NR4A1: variants seen among roughly 807,000 people sequenced by gnomAD.
The protein encoded by NR4A1 is nuclear receptor subfamily 4 group A member 1, also known as nuclear receptor subfamily 4immunitygroup A member 1.
NR4A1 carries 24 observed loss-of-function variants against 47.5 expected under a neutral mutation model. That is an observed-to-expected ratio of 0.50 (90% CI 0.37 to 0.71). NR4A1 has a LOEUF of 0.71. NR4A1 is among the 30% of genes least tolerant of loss of function. The pLI is 0.00. For missense variants in NR4A1, 669 were observed against 788.6 expected (o/e 0.85, Z 1.82); for synonymous variants, 353 against 345.7 (o/e 1.02, Z -0.24).
chr12:52,043,652 C>G (rs1402787753), intron 2 of NR4A1: 13 of 1,187,938 alleles, frequency 1.1e-5, no homozygotes, highest in Non-Finnish European at 1.4e-5. Context: ...AGTGGCTCCC[C>G]CCATCCCCAG....
At chr12:52,037,568 G>GC (rs905982611) in intron 1 of NR4A1, 3 of 982,714 alleles carry the variant, frequency 3.1e-6, no homozygotes, top group African/African-American at 1.7e-5. Context: ...TGGGGAGTCG[G>GC]GGGGGGGACT....
chr12:52,032,670 T>C (rs961013673), intron 1 of NR4A1, among the ~76,000 whole-genome samples: 4 of 152,198 alleles, frequency 2.6e-5, no homozygotes, highest in Non-Finnish European at 5.9e-5. Flanking sequence ...TAGGTGTTTC[T>C]CCGAAGTATG....
At chr12:52,043,440 C>T (rs902179553) in intron 2 of NR4A1, 8 of 230,778 alleles carry the variant, frequency 3.5e-5, no homozygotes, top group Non-Finnish European at 7.0e-5. Flanking sequence ...ACTCCCATGC[C>T]AGATATACTG....
At chr12:52,033,945 C>T (rs1017926109) in intron 1 of NR4A1, among the ~76,000 whole-genome samples, 11 of 152,182 alleles carry the variant, frequency 7.2e-5, no homozygotes, top group East Asian at 3.9e-4. Context: ...CCCCCGCCCC[C>T]GAGGGCCAGG....
chr12:52,042,888 A>G (rs564397689), intron 2 of NR4A1, among the ~76,000 whole-genome samples: 2 of 152,322 alleles, frequency 1.3e-5, no homozygotes, highest in East Asian at 1.9e-4. Context: ...GAAGAGGGCC[A>G]TCTTTGGGCA....
Position 52,056,680 on chromosome 12 carries a change from C to G in NR4A1, c.1158+35C>G, listed in dbSNP as rs200511926. 5 of 1,501,620 alleles carry G rather than the reference C, an allele frequency of 3.3e-6. No homozygotes were observed. The African/African-American group carries it at 7.1e-5, about 21-fold the overall frequency. 93.0% of individuals were successfully genotyped at this position (1,501,620 alleles called of 1,614,324 possible). A position where few individuals can be genotyped will look rare whatever the true frequency, so the allele number is the denominator to read the frequency against. On this transcript the variant is annotated intron_variant, in intron 4 of 6. Coordinates refer to ENST00000394825, the MANE Select transcript of NR4A1 (RefSeq NM_173157.3). ...CACCCCGTGTCTGCCTTGGGGAGGT[C>G]TATGAGCACATGCAGTGCCTTTGTG... is the stretch of plus-strand genomic sequence containing the variant.
chr12:52,032,682 T>C (rs1423791990), intron 1 of NR4A1, among the ~76,000 whole-genome samples: 1 of 152,224 alleles, frequency 6.6e-6, no homozygotes, highest in African/African-American at 2.4e-5. Context: ...CGAAGTATGT[T>C]CCAGCTTTCG....
Position 52,045,344 on chromosome 12 carries a change from AGGGCCGAGTGTGGGACTT to A in NR4A1, c.37+3417_37+3434del, listed in dbSNP as rs1938591313. ...GTCCCGTTGCAGACATGAGTTCCAC[AGGGCCGAGTGTGGGACTT>A]GAGTATGCATGGATTTTGGTATATG... On this transcript the variant is annotated intron_variant, in intron 2 of 7. Transcript: ENST00000360284. The A allele has an allele frequency of 1.0e-5, 3 of 289,472 alleles. No homozygotes were observed. The Admixed American group carries it at 1.4e-4, about 13-fold the overall frequency. The allele number at this position is 289,472 out of a possible 1,614,324, so 17.9% of individuals were successfully genotyped here. A position where few individuals can be genotyped will look rare whatever the true frequency, so the allele number is the denominator to read the frequency against.
Position 52,057,118 on chromosome 12 carries a change from A to C in NR4A1, c.1220A>C (p.Tyr407Ser). 1 of 1,613,494 alleles carries C rather than the reference A, an allele frequency of 6.2e-7. No individual in the cohort carries two copies. Among genetic ancestry groups the C allele is most frequent in the Non-Finnish European group, 8.5e-7 (1 of 1,179,738 alleles). ...KEDAGDVQQF[Y>S]DLLSGSLEVI... ...GATGCTGGGGATGTACAGCAGTTCTACGACCTGCTCTCCGGTTCTCTGGAG... is the reference window on the plus strand; with the variant it reads ...GATGCTGGGGATGTACAGCAGTTCTCCGACCTGCTCTCCGGTTCTCTGGAG... Residue 407 changes from tyrosine to serine, a missense_variant, in exon 5 of 7, where the codon TAC becomes TCC. Transcript: ENST00000394825.
At chr12:52,041,849 G>C in exon 2 of NR4A1, 1 of 1,511,464 alleles carries the variant, frequency 6.6e-7, no homozygotes, top group South Asian at 1.3e-5. Context: ...GCCCCTCCCA[G>C]GCAGCCTGGC....
intron 1 of NR4A1, among the ~76,000 whole-genome samples, chr12:52,040,185 G>A (rs374414726): frequency 6.6e-6 from 1 of 152,162 alleles, no homozygotes; most frequent in Admixed American, 6.5e-5. Context: ...TGGCTCCCGG[G>A]GGTCCTCAGT....
At chr12:52,028,687 C>T (rs1225712775) in intron 1 of NR4A1, among the ~76,000 whole-genome samples, 10 of 151,464 alleles carry the variant, frequency 6.6e-5, no homozygotes, top group African/African-American at 2.2e-4. Context: ...GGGTGGATTA[C>T]GAGGTCAGGA....
At chr12:52,044,350 C>T (rs1019473014) in intron 2 of NR4A1, among the ~76,000 whole-genome samples, 14 of 152,334 alleles carry the variant, frequency 9.2e-5, no homozygotes, top group Admixed American at 3.3e-4. Flanking sequence ...AGTCCCTGGC[C>T]TGCCCCGCTT....
intron 1 of NR4A1, among the ~76,000 whole-genome samples, chr12:52,027,875 T>C (rs2120911171): frequency 6.6e-6 from 1 of 152,164 alleles, no homozygotes; most frequent in Non-Finnish European, 1.5e-5. Flanking sequence ...AGGAGGGCGT[T>C]CTCCCAGCAT....
chr12:52,055,364 G>A (rs112331236), intron 2 of NR4A1, 160 bp downstream of exon 2: 45 of 841,650 alleles, frequency 5.3e-5, no homozygotes, highest in African/African-American at 2.0e-4. Context: ...CTGGAGACCC[G>A]TAGATGCCAG....
At chr12:52,028,180 T>A (rs1428999991) in intron 1 of NR4A1, among the ~76,000 whole-genome samples, 2 of 108,676 alleles carry the variant, frequency 1.8e-5, no homozygotes, top group East Asian at 2.8e-4. Flanking sequence ...CCAGTCTGGG[T>A]GACAAAGTGA....
rs567092888 is a variant in NR4A1, at chr12:52,032,958, C to T, written c.-83-8852C>T. ...ATTTCCCCCATCCTCCCAATGACGT[C>T]TATTCGCCTGCAGCAGACCCGAAGG... On this transcript the variant is annotated intron_variant, in intron 1 of 7. Transcript: ENST00000360284. 1.2e-4 allele frequency among the ~76,000 whole-genome samples: 19 copies of T among 152,342 alleles called. No homozygotes were observed. The South Asian group carries it at 3.9e-3, about 32-fold the overall frequency.
At chr12:52,049,508 G>A (rs530424312), upstream of NR4A1, among the ~76,000 whole-genome samples, 2 of 152,302 alleles carry the variant, frequency 1.3e-5, no homozygotes, top group South Asian at 4.1e-4. Context: ...AGGAAAGCGG[G>A]AGAGGCTGAG....
chr12:52,055,691 C>G (rs937440599), intron 2 of NR4A1: 2 of 346,146 alleles, frequency 5.8e-6, no homozygotes, highest in Non-Finnish European at 1.0e-5. Context: ...ACCCCCCAGC[C>G]CCTTGGCCCT....
Sources: gnomAD v4.1 joint callset for allele counts (sites outside exome capture counted in the v4.1 genomes callset) on GRCh38, gnomAD v4.1.1 for gene constraint, MANE v1.5 for transcripts, NCBI Gene and HGNC (gene_info 2026-07-23, HGNC 2026-07-21) for gene names.